Variants in PTPRD observed in about 807,000 individuals in gnomAD.
PTPRD encodes protein tyrosine phosphatase receptor type D, also known as receptor-type tyrosine-protein phosphatase delta.
PTPRD carries 34 observed loss-of-function variants against 214.5 expected under a neutral mutation model. The ratio of observed to expected loss-of-function variants is 0.16; its 90% CI spans 0.12 to 0.21. The LOEUF (loss-of-function observed/expected upper bound fraction) is 0.21. PTPRD is among the 10% of genes least tolerant of loss of function. The pLI, the probability that PTPRD is intolerant of heterozygous loss-of-function variation, is 1.00. For synonymous variants in PTPRD, 1,128 were observed against 845.7 expected, an observed-to-expected ratio of 1.33 and a Z score of -5.79; for missense variants, 2,545 against 2,398.7, an observed-to-expected ratio of 1.06 and a Z score of -1.27.
chr9:8,438,610 C>T (rs1263214025), intron 34 of PTPRD: 1 of 152,148 alleles, frequency 6.6e-6, no homozygotes, highest in African/African-American at 2.4e-5. Flanking sequence ...GCATAGGTGA[C>T]TTTAGGCTTA....
intron 9 of PTPRD, among the ~76,000 whole-genome samples, chr9:9,329,792 G>T (rs2041613698): frequency 6.6e-6 from 1 of 152,174 alleles, no homozygotes; most frequent in Non-Finnish European, 1.5e-5. Context: ...AACTAAACTT[G>T]CATTAATGCA....
intron 8 of PTPRD, among the ~76,000 whole-genome samples, chr9:9,424,106 T>C (rs1006821524): frequency 2.6e-5 from 4 of 152,190 alleles, no homozygotes; most frequent in African/African-American, 9.7e-5. Flanking sequence ...ATCCAGTGAC[T>C]AGTTGATGCA....
intron 4 of PTPRD, among the ~76,000 whole-genome samples, chr9:9,983,767 C>T (rs552086806): frequency 2.0e-5 from 3 of 152,214 alleles, no homozygotes; most frequent in African/African-American, 7.2e-5. Context: ...AGAATGTCCA[C>T]GCATAATTTC....
chr9:10,410,339 A>T (rs1421348466), intron 2 of PTPRD, among the ~76,000 whole-genome samples: 2 of 148,546 alleles, frequency 1.3e-5, no homozygotes, highest in African/African-American at 4.9e-5. Flanking sequence ...TATATTTTAC[A>T]TATTCCTCTC....
intron 9 of PTPRD, among the ~76,000 whole-genome samples, chr9:9,244,623 T>C (rs928644722): frequency 5.3e-5 from 8 of 152,160 alleles, no homozygotes; most frequent in Non-Finnish European, 1.2e-4. Context: ...TTACACCTTA[T>C]ACAAAAATTA....
At chr9:10,508,607 A>G (rs945755509) in intron 2 of PTPRD, among the ~76,000 whole-genome samples, 1 of 152,230 alleles carries the variant, frequency 6.6e-6, no homozygotes, top group Non-Finnish European at 1.5e-5. Flanking sequence ...CATGGATACT[A>G]TGCAGCCATA....
At chr9:9,781,850 T>G (rs78047494) in intron 5 of PTPRD, among the ~76,000 whole-genome samples, 1 of 150,362 alleles carries the variant, frequency 6.7e-6, no homozygotes, top group African/African-American at 2.5e-5. Flanking sequence ...TGGAGTGCAG[T>G]GGCGCAATCT....
At chr9:10,394,956 T>TA (rs2098139153) in intron 2 of PTPRD, among the ~76,000 whole-genome samples, 4 of 131,274 alleles carry the variant, frequency 3.0e-5, no homozygotes, top group East Asian at 2.9e-4. Context: ...TTTTTCTTTT[T>TA]CTTTTTTTTT....
chr9:8,498,589 T>A (rs1040360976), intron 25 of PTPRD, among the ~76,000 whole-genome samples: 1 of 152,222 alleles, frequency 6.6e-6, no homozygotes, highest in Non-Finnish European at 1.5e-5. Context: ...CTTCATAACC[T>A]TTCCAACTTT....
At chr9:9,020,307 T>C (rs1458857592) in intron 10 of PTPRD, among the ~76,000 whole-genome samples, 2 of 152,036 alleles carry the variant, frequency 1.3e-5, no homozygotes, top group Admixed American at 6.6e-5. Context: ...TTAATGAGAG[T>C]TGGTACTCTT....
At chr9:9,327,417 T>C (rs1254801787) in intron 9 of PTPRD, among the ~76,000 whole-genome samples, 1 of 152,172 alleles carries the variant, frequency 6.6e-6, no homozygotes, top group African/African-American at 2.4e-5. Context: ...TTTTCCATTT[T>C]TTTCTTAAAA....
chr9:10,040,019 A>T (rs10958841), intron 3 of PTPRD, among the ~76,000 whole-genome samples: 16,144 of 152,082 alleles, frequency 0.11, 945 homozygotes, highest in East Asian at 0.14. Context: ...TTTCAAAGGC[A>T]TGCACGTTGT....
chr9:9,771,495 C>G (rs540860636), intron 5 of PTPRD, among the ~76,000 whole-genome samples: 2 of 152,260 alleles, frequency 1.3e-5, no homozygotes, highest in African/African-American at 4.8e-5. Context: ...ATCGTGGAAG[C>G]CTTTCTCTCA....
intron 11 of PTPRD, among the ~76,000 whole-genome samples, chr9:8,924,700 A>G (rs2154274727): frequency 6.6e-6 from 1 of 152,104 alleles, no homozygotes; most frequent in East Asian, 1.9e-4. Flanking sequence ...GGAAACTGTT[A>G]ATGACTCTGC....
chr9:10,029,011 G>T (rs1339928483), intron 4 of PTPRD, among the ~76,000 whole-genome samples: 1 of 152,148 alleles, frequency 6.6e-6, no homozygotes, highest in Non-Finnish European at 1.5e-5. Flanking sequence ...TTGGTGCCCT[G>T]TGTCCCAGCT....
At chr9:8,751,859 T>C (rs1399261934) in intron 11 of PTPRD, among the ~76,000 whole-genome samples, 3 of 152,176 alleles carry the variant, frequency 2.0e-5, no homozygotes, top group Non-Finnish European at 2.9e-5. Context: ...ATGGAGGGTG[T>C]AGAACCTGAC....
In PTPRD at chr9:9,552,193, T is replaced by C. The variant is rs201284741; in HGVS notation, c.-237+22539A>G. ...GAGAGGTAAATTGATTTACCCAGTC[T>C]GATTCAAAAATCCATGCCATTTCCA... On this transcript the variant is annotated intron_variant, in intron 8 of 45. Coordinates refer to ENST00000381196, the MANE Select transcript of PTPRD (RefSeq NM_002839.4). Among the ~76,000 whole-genome samples the C allele has an allele frequency of 5.4e-4, 82 of 152,144 alleles. No homozygotes were observed. In the East Asian group the frequency reaches 7.6e-3, roughly 14 times the overall value.
At chr9:9,937,602 G>A (rs2382080) in intron 5 of PTPRD, among the ~76,000 whole-genome samples, 254 of 152,168 alleles carry the variant, frequency 1.7e-3, no homozygotes, top group African/African-American at 5.7e-3. Flanking sequence ...TGCTATGGAG[G>A]AGGGATTGTT....
At chr9:8,401,051 G>A (rs1230046833) in intron 36 of PTPRD, among the ~76,000 whole-genome samples, 3 of 151,986 alleles carry the variant, frequency 2.0e-5, no homozygotes, top group South Asian at 2.1e-4. Flanking sequence ...GAACAACTTT[G>A]GATTCTACAA....
Sources: gnomAD v4.1 joint callset for allele counts (sites outside exome capture counted in the v4.1 genomes callset) on GRCh38, gnomAD v4.1.1 for gene constraint, MANE v1.5 for transcripts, NCBI Gene and HGNC (gene_info 2026-07-23, HGNC 2026-07-21) for gene names.